The following FSHR variants were observed in gnomAD, a reference collection of about 807,000 sequenced individuals.
The protein encoded by FSHR is follicle-stimulating hormone receptor.
In FSHR, 46 loss-of-function variants were observed where a neutral mutation model predicts 52.1. The ratio of observed to expected loss-of-function variants is 0.88; its 90% CI spans 0.70 to 1.13. The LOEUF (loss-of-function observed/expected upper bound fraction) is 1.13, where lower values mean the gene tolerates loss of function less well. Ranked by LOEUF, FSHR falls within the 50% of genes most tolerant of loss-of-function variation. The pLI is 0.00. For missense variants in FSHR, 964 were observed against 834.6 expected, an observed-to-expected ratio of 1.16 and a Z score of -1.91; for synonymous variants, 399 against 309.6, an observed-to-expected ratio of 1.29 and a Z score of -3.03.
At chr2:49,002,997 G>A (rs549112187) in intron 4 of FSHR, among the ~76,000 whole-genome samples, 1 of 152,136 alleles carries the variant, frequency 6.6e-6, no homozygotes, top group Non-Finnish European at 1.5e-5. Context: ...AAGCATGCCA[G>A]GCTTTCTCTT....
At chr2:49,153,542 C>A (rs1018818928) in intron 1 of FSHR, among the ~76,000 whole-genome samples, 1 of 152,126 alleles carries the variant, frequency 6.6e-6, no homozygotes, top group African/African-American at 2.4e-5. Context: ...TCTTCAGACA[C>A]CAGATTCCTA....
rs1434928009 is a variant in FSHR at position 49,024,683 on chromosome 2, TG to T, written c.225-4524del. Among the ~76,000 whole-genome samples, 4 of 152,328 alleles carry T rather than the reference TG, an allele frequency of 2.6e-5. No individual in the cohort carries two copies. In the South Asian group the frequency reaches 8.3e-4, roughly 32 times the overall value. On this transcript the variant is annotated intron_variant, in intron 2 of 9. Transcript: ENST00000406846. ...GTCCCCCTCTGGGTCTTTCCCATCTTGTCCCTCCTCCCCTGCCTTTCTCTTC... is the reference window on the plus strand; with the variant it reads ...GTCCCCCTCTGGGTCTTTCCCATCTTTCCCTCCTCCCCTGCCTTTCTCTTC...
intron 1 of FSHR, among the ~76,000 whole-genome samples, chr2:49,130,107 C>A (rs766175176): frequency 8.5e-5 from 13 of 152,126 alleles, no homozygotes; most frequent in Non-Finnish European, 1.3e-4. Context: ...CTGGATGTAC[C>A]ACTTAGGCAA....
rs750622378 is a variant in FSHR at position 48,963,920 on chromosome 2, C to G, written c.901G>C (p.Val301Leu). The change falls in exon 10 of 10, where the codon GTT (valine) becomes CTT (leucine). Residue 301 changes from valine to leucine, a missense_variant. By Grantham distance (32) the Val-to-Leu change is conservative. Coordinates refer to ENST00000406846, the MANE Select transcript of FSHR (RefSeq NM_000145.4). Reference protein sequence around the residue: ...ICNKSILRQEVDYMTQARGQR... With the variant: ...ICNKSILRQELDYMTQARGQR... ...CCCCTAGCCTGAGTCATATAATCAA[C>G]TTCTTGCCTTAAAATAGATTTGTTG... The G allele has an allele frequency of 7.4e-6, 12 of 1,613,942 alleles. No homozygotes were observed. The highest frequency in any genetic ancestry group is 9.3e-6 in the Non-Finnish European group (11 of 1,179,920).
intron 2 of FSHR, among the ~76,000 whole-genome samples, chr2:49,042,242 C>T (rs1038144769): frequency 7.2e-5 from 11 of 152,110 alleles, no homozygotes; most frequent in Non-Finnish European, 1.6e-4. Context: ...CAATTTTTTT[C>T]CCCCGAGTGA....
At chr2:49,139,449 AC>A (rs1291452035) in intron 1 of FSHR, among the ~76,000 whole-genome samples, 1 of 152,128 alleles carries the variant, frequency 6.6e-6, no homozygotes, top group Non-Finnish European at 1.5e-5. Context: ...AGGGTATAGC[AC>A]GCAGCATTTT....
intron 1 of FSHR, among the ~76,000 whole-genome samples, chr2:49,080,665 G>T (rs1253897705): frequency 6.6e-6 from 1 of 152,146 alleles, no homozygotes; most frequent in African/African-American, 2.4e-5. Context: ...ATAGTATGTT[G>T]TTTTGTATTC....
intron 6 of FSHR, among the ~76,000 whole-genome samples, chr2:48,986,477 C>G (rs950142595): frequency 6.4e-5 from 9 of 141,096 alleles, no homozygotes; most frequent in Admixed American, 5.4e-4. Flanking sequence ...AAACTAGAAA[C>G]GATTGGAGAC....
intron 1 of FSHR, among the ~76,000 whole-genome samples, chr2:49,121,826 T>A (rs1267127003): frequency 3.3e-5 from 5 of 152,000 alleles, no homozygotes; most frequent in Non-Finnish European, 7.4e-5. Flanking sequence ...AAAATATCCA[T>A]AAGGTAGTGT....
chr2:49,054,647 C>A (rs112363823), intron 2 of FSHR, among the ~76,000 whole-genome samples: 1 of 152,146 alleles, frequency 6.6e-6, no homozygotes, highest in African/African-American at 2.4e-5. Context: ...AGTTGGCCAA[C>A]GCACTGTGTG....
chr2:49,148,788 C>G (rs1407517931), intron 1 of FSHR, among the ~76,000 whole-genome samples: 1 of 151,936 alleles, frequency 6.6e-6, no homozygotes, highest in East Asian at 1.9e-4. Flanking sequence ...CGTAAAGACA[C>G]AAAGAGGTAG....
intron 2 of FSHR, among the ~76,000 whole-genome samples, chr2:49,051,968 C>G (rs1668875578): frequency 6.6e-6 from 1 of 152,036 alleles, no homozygotes; most frequent in Non-Finnish European, 1.5e-5. Context: ...GTATTGAATT[C>G]TAGAAAACAA....
chr2:48,986,458 G>C (rs111376648), intron 6 of FSHR, among the ~76,000 whole-genome samples: 1 of 140,738 alleles, frequency 7.1e-6, no homozygotes, highest in Admixed American at 7.7e-5. Context: ...CCCCTGCATC[G>C]AAGCTGCCAA....
intron 6 of FSHR, among the ~76,000 whole-genome samples, chr2:48,984,037 T>G (rs1675376689): frequency 6.6e-6 from 1 of 152,170 alleles, no homozygotes; most frequent in African/African-American, 2.4e-5. Flanking sequence ...CTTGTTTTGC[T>G]GTCAGGTTCT....
Position 48,963,181 on chromosome 2 carries a change from C to A in FSHR, c.1640G>T (p.Gly547Val), listed in dbSNP as rs371488439. 6.2e-7 allele frequency: 1 copy of A among 1,613,988 alleles called. No individual in the cohort carries two copies. Among genetic ancestry groups the A allele is most frequent in the African/African-American group, 1.3e-5 (1 of 74,904 alleles). The part of the protein sequence containing the change: ...LNVLAFVVIC[G>V]CYIHIYLTVR... ...TGTGAGGTAGATGTGGATATAGCAGCCACAGATGACCACAAAGGCCAGGAC... is the reference window on the plus strand; with the variant it reads ...TGTGAGGTAGATGTGGATATAGCAGACACAGATGACCACAAAGGCCAGGAC... Residue 547 changes from glycine to valine, a missense_variant, in exon 10 of 10, where the codon GGC becomes GTC. By Grantham distance (109) the Gly-to-Val change is moderately radical. Coordinates refer to ENST00000406846, the MANE Select transcript of FSHR (RefSeq NM_000145.4).
chr2:49,002,215 C>T (rs1666916265), intron 4 of FSHR, among the ~76,000 whole-genome samples: 1 of 152,162 alleles, frequency 6.6e-6, no homozygotes, highest in South Asian at 2.1e-4. Context: ...ATGCCCGTAT[C>T]ACCCAGCAAT....
intron 2 of FSHR, among the ~76,000 whole-genome samples, chr2:49,021,068 C>T (rs137883082): frequency 2.3e-4 from 35 of 152,220 alleles, no homozygotes; most frequent in African/African-American, 8.2e-4. Flanking sequence ...CAAACCTGCA[C>T]ATCCTGCACA....
At chr2:49,034,350 T>TCTTTG (rs1668206902) in intron 2 of FSHR, among the ~76,000 whole-genome samples, 3 of 152,162 alleles carry the variant, frequency 2.0e-5, no homozygotes, top group Admixed American at 2.0e-4. Flanking sequence ...TTAAGAAAAG[T>TCTTTG]CTGATCAGCA....
At chr2:49,094,756 T>C (rs1396209658) in intron 1 of FSHR, among the ~76,000 whole-genome samples, 1 of 151,452 alleles carries the variant, frequency 6.6e-6, no homozygotes, top group African/African-American at 2.4e-5. Context: ...CTTTAAGAAA[T>C]TAGAGAAACA....
Sources: gnomAD v4.1 joint callset for allele counts (sites outside exome capture counted in the v4.1 genomes callset) on GRCh38, gnomAD v4.1.1 for gene constraint, MANE v1.5 for transcripts, NCBI Gene and HGNC (gene_info 2026-07-23, HGNC 2026-07-21) for gene names.